The following PTPRD variants were observed in gnomAD, a reference collection of about 807,000 sequenced individuals.
PTPRD encodes receptor-type tyrosine-protein phosphatase delta.
In PTPRD, 34 loss-of-function variants were observed where a neutral mutation model predicts 214.5. The ratio of observed to expected loss-of-function variants is 0.16; its 90% CI spans 0.12 to 0.21. The LOEUF is 0.21. PTPRD is among the 10% of genes least tolerant of loss of function. The pLI is 1.00. For synonymous variants in PTPRD, 1,128 were observed against 845.7 expected, an observed-to-expected ratio of 1.33 and a Z score of -5.79; for missense variants, 2,545 against 2,398.7, an observed-to-expected ratio of 1.06 and a Z score of -1.27.
At chr9:9,280,517 T>C (rs1947302900) in intron 9 of PTPRD, among the ~76,000 whole-genome samples, 1 of 151,186 alleles carries the variant, frequency 6.6e-6, no homozygotes, top group Non-Finnish European at 1.5e-5. Flanking sequence ...TGAAAACACA[T>C]TACCATTTAT....
intron 11 of PTPRD, among the ~76,000 whole-genome samples, chr9:8,999,182 A>G (rs546952337): frequency 6.6e-6 from 1 of 152,232 alleles, no homozygotes; most frequent in Non-Finnish European, 1.5e-5. Context: ...TTTGAAAGAT[A>G]TTCTACCATG....
At chr9:10,287,062 T>C (rs755839998) in intron 3 of PTPRD, among the ~76,000 whole-genome samples, 4 of 152,110 alleles carry the variant, frequency 2.6e-5, no homozygotes, top group Admixed American at 6.5e-5. Context: ...ATAGAAAACA[T>C]TGCCAATAAA....
intron 12 of PTPRD, among the ~76,000 whole-genome samples, chr9:8,670,648 A>C (rs2097265162): frequency 6.6e-6 from 1 of 152,178 alleles, no homozygotes. Context: ...GTTTTTTAAA[A>C]ATCTATTCAG....
chr9:9,639,263 C>T (rs1177143128), intron 7 of PTPRD, among the ~76,000 whole-genome samples: 3 of 152,174 alleles, frequency 2.0e-5, no homozygotes, highest in Non-Finnish European at 2.9e-5. Flanking sequence ...TGTTTCTACT[C>T]ATCATTTTAG....
intron 14 of PTPRD, among the ~76,000 whole-genome samples, chr9:8,558,585 A>G (rs558861871): frequency 6.4e-4 from 98 of 152,328 alleles, no homozygotes; most frequent in African/African-American, 2.3e-3. Flanking sequence ...CATCTCTCTG[A>G]AACGTATTAA....
At chr9:9,277,384 GA>G (rs1946063974) in intron 9 of PTPRD, among the ~76,000 whole-genome samples, 2 of 151,248 alleles carry the variant, frequency 1.3e-5, no homozygotes, top group Non-Finnish European at 3.0e-5. Flanking sequence ...AAAAGTAAAA[GA>G]AAACATTGTG....
chr9:9,121,363 T>C (rs538286141), intron 10 of PTPRD, among the ~76,000 whole-genome samples: 1 of 152,314 alleles, frequency 6.6e-6, no homozygotes, highest in Admixed American at 6.5e-5. Flanking sequence ...TCGAAAAAGA[T>C]ACTTGCACAC....
At chr9:9,885,329 G>C (rs1365063171) in intron 5 of PTPRD, among the ~76,000 whole-genome samples, 2 of 151,998 alleles carry the variant, frequency 1.3e-5, no homozygotes, top group African/African-American at 2.4e-5. Flanking sequence ...AAATTCCTTT[G>C]TTAAGATGTA....
chr9:10,481,145 G>A (rs1358600630), intron 2 of PTPRD, among the ~76,000 whole-genome samples: 1 of 151,910 alleles, frequency 6.6e-6, no homozygotes, highest in African/African-American at 2.4e-5. Context: ...GAAATAATGT[G>A]GTGCCTGTAA....
intron 11 of PTPRD, among the ~76,000 whole-genome samples, chr9:8,766,353 GAGTA>G (rs1444441735): frequency 6.6e-6 from 1 of 152,046 alleles, no homozygotes; most frequent in Non-Finnish European, 1.5e-5. Context: ...CAGTGTCAGT[GAGTA>G]AGTATGTGTG....
intron 5 of PTPRD, among the ~76,000 whole-genome samples, chr9:9,851,831 G>C (rs1296593624): frequency 6.6e-6 from 1 of 152,184 alleles, no homozygotes; most frequent in Non-Finnish European, 1.5e-5. Context: ...ATATGTGTTT[G>C]TTGCTTCTTA....
intron 8 of PTPRD, among the ~76,000 whole-genome samples, chr9:9,547,559 T>C (rs563950998): frequency 7.2e-5 from 11 of 152,036 alleles, no homozygotes; most frequent in African/African-American, 1.2e-4. Context: ...GAGTGTGTGA[T>C]TCAGTGACTG....
intron 5 of PTPRD, among the ~76,000 whole-genome samples, chr9:9,862,352 A>G (rs989453945): frequency 3.3e-5 from 5 of 152,248 alleles, no homozygotes; most frequent in African/African-American, 1.2e-4. Context: ...GATCTGCCCC[A>G]TCTATGCAGA....
At chr9:10,445,967 T>C (rs1441255568) in intron 2 of PTPRD, among the ~76,000 whole-genome samples, 2 of 152,044 alleles carry the variant, frequency 1.3e-5, no homozygotes, top group Non-Finnish European at 2.9e-5. Flanking sequence ...TAAACCAAAA[T>C]GTGTGTATTC....
At chr9:8,394,497 G>C (rs890322499) in intron 36 of PTPRD, among the ~76,000 whole-genome samples, 10 of 152,130 alleles carry the variant, frequency 6.6e-5, no homozygotes, top group Non-Finnish European at 1.5e-4. Context: ...AACTGACCAG[G>C]AAACCTGGAC....
chr9:10,289,030 T>C (rs1376261473), intron 3 of PTPRD, among the ~76,000 whole-genome samples: 2 of 151,978 alleles, frequency 1.3e-5, no homozygotes, highest in South Asian at 2.1e-4. Context: ...AGAGTTTTTT[T>C]TTTTTTTATT....
At chr9:9,783,741 T>A (rs747542709) in intron 5 of PTPRD, among the ~76,000 whole-genome samples, 2 of 152,008 alleles carry the variant, frequency 1.3e-5, no homozygotes, top group African/African-American at 2.4e-5. Context: ...TGCCAAAGAT[T>A]AGAAAGCAAT....
At chr9:10,380,082 T>C (rs1201060987) in intron 2 of PTPRD, among the ~76,000 whole-genome samples, 1 of 152,046 alleles carries the variant, frequency 6.6e-6, no homozygotes, top group Non-Finnish European at 1.5e-5. Context: ...GCCTCAGTCA[T>C]CAGAGTGGCT....
At chr9:8,560,090 C>G (rs1175280156) in intron 14 of PTPRD, among the ~76,000 whole-genome samples, 1 of 152,074 alleles carries the variant, frequency 6.6e-6, no homozygotes, top group Admixed American at 6.6e-5. Context: ...GATTTTACTT[C>G]TTTTCTTAGT....
Sources: gnomAD v4.1 joint callset for allele counts (sites outside exome capture counted in the v4.1 genomes callset) on GRCh38, gnomAD v4.1.1 for gene constraint, MANE v1.5 for transcripts, NCBI Gene and HGNC (gene_info 2026-07-23, HGNC 2026-07-21) for gene names.